ASAP1: variants seen among roughly 807,000 people sequenced by gnomAD.
ASAP1 encodes ArfGAP with SH3 domain, ankyrin repeat and PH domain 1.
Under a neutral mutation model 145.2 loss-of-function variants are expected in ASAP1, and 43 were observed. The ratio of observed to expected loss-of-function variants is 0.30; its 90% CI spans 0.23 to 0.38. The LOEUF is 0.38. ASAP1 is among the 10% of genes least tolerant of loss of function. The pLI is 1.00. For synonymous variants in ASAP1, 546 were observed against 515.5 expected, an observed-to-expected ratio of 1.06 and a Z score of -0.80; for missense variants, 1,018 against 1,355.3, an observed-to-expected ratio of 0.75 and a Z score of 3.91.
chr8:130,280,510 A>C (rs181947605), intron 3 of ASAP1, among the ~76,000 whole-genome samples: 2 of 152,356 alleles, frequency 1.3e-5, no homozygotes, highest in East Asian at 3.9e-4. Context: ...CCATGTCAGC[A>C]TTTTCAGAAT....
At chr8:130,188,723 C>CAAAA (rs370580190) in intron 5 of ASAP1, among the ~76,000 whole-genome samples, 324 of 83,672 alleles carry the variant, frequency 3.9e-3, no homozygotes, top group African/African-American at 5.0e-3. Context: ...GAGACTCTCT[C>CAAAA]AAAAAAAAAA....
rs368025819 is a variant in ASAP1 at position 130,289,592 on chromosome 8, G to C, written c.187-52598C>G. On this transcript the variant is annotated intron_variant, in intron 3 of 29. Transcript: ENST00000518721. ...ACTGGAAGGCTTCATACTTTAAAATGATGGCCCTAAGTCAGCTGTTTATAA... is the reference window on the plus strand; with the variant it reads ...ACTGGAAGGCTTCATACTTTAAAATCATGGCCCTAAGTCAGCTGTTTATAA... Among the ~76,000 whole-genome samples the C allele has an allele frequency of 1.8e-4, 28 of 152,304 alleles. No individual in the cohort carries two copies. In the East Asian group the frequency reaches 3.5e-3, roughly 19 times the overall value.
chr8:130,264,879 T>C (rs1820150124), intron 3 of ASAP1, among the ~76,000 whole-genome samples: 1 of 151,986 alleles, frequency 6.6e-6, no homozygotes, highest in Non-Finnish European at 1.5e-5. Context: ...CTGGAGAAGG[T>C]GGCATTTCAC....
At chr8:130,400,744 T>G in intron 2 of ASAP1, among the ~76,000 whole-genome samples, 1 of 142,844 alleles carries the variant, frequency 7.0e-6, no homozygotes, top group Non-Finnish European at 1.5e-5. Context: ...TGAGCCGAGA[T>G]AGCGCCACTG....
intron 25 of ASAP1, chr8:130,084,100 C>T (rs760628412): frequency 6.6e-6 from 1 of 152,234 alleles, no homozygotes; most frequent in African/African-American, 2.4e-5. Flanking sequence ...GCCGATAACA[C>T]CACTTTTTAA....
intron 27 of ASAP1, among the ~76,000 whole-genome samples, chr8:130,066,754 T>C (rs1592723195): frequency 6.6e-6 from 1 of 152,178 alleles, no homozygotes. Flanking sequence ...TGATGTAAAC[T>C]GCAAGTGCCC....
At chr8:130,201,298 T>C (rs1240565225) in intron 5 of ASAP1, among the ~76,000 whole-genome samples, 1 of 152,176 alleles carries the variant, frequency 6.6e-6, no homozygotes, top group African/African-American at 2.4e-5. Context: ...CTGGAAGATC[T>C]GGGAAAGGCC....
intron 2 of ASAP1, among the ~76,000 whole-genome samples, chr8:130,368,883 T>C (rs1391237173): frequency 6.6e-6 from 1 of 152,226 alleles, no homozygotes; most frequent in African/African-American, 2.4e-5. Context: ...CAACTGTACT[T>C]CTTTTTTAGT....
At position 130,348,306 on chromosome 8, in the gene ASAP1, G is replaced by C. The variant is rs890702630; in HGVS notation, c.186+9711C>G. On this transcript the variant is annotated intron_variant, in intron 3 of 29. Transcript: ENST00000518721. ...TTAGCCAACTCTGCTTTCTATAATAGTTGGTGCCAAAATGCAGTCGTCTTT... is the reference window on the plus strand; with the variant it reads ...TTAGCCAACTCTGCTTTCTATAATACTTGGTGCCAAAATGCAGTCGTCTTT... Among the ~76,000 whole-genome samples, 14 of 152,330 alleles carry C rather than the reference G, an allele frequency of 9.2e-5. No individual in the cohort carries two copies. In the East Asian group the frequency reaches 2.3e-3, roughly 25 times the overall value.
At chr8:130,371,421 C>A (rs72724461) in intron 2 of ASAP1, among the ~76,000 whole-genome samples, 5,272 of 152,262 alleles carry the variant, frequency 0.035, 125 homozygotes, top group Middle Eastern at 0.062. Flanking sequence ...CTATGTAGTC[C>A]CCGTTTCTTC....
chr8:130,317,059 C>T (rs1439764733), intron 3 of ASAP1, among the ~76,000 whole-genome samples: 1 of 149,676 alleles, frequency 6.7e-6, no homozygotes, highest in Non-Finnish European at 1.5e-5. Context: ...GAGACTCATT[C>T]CTATTTTGCT....
chr8:130,173,049 T>C (rs962758514), intron 9 of ASAP1, among the ~76,000 whole-genome samples: 1 of 152,224 alleles, frequency 6.6e-6, no homozygotes, highest in African/African-American at 2.4e-5. Context: ...TTAACTTCAG[T>C]TTCTAATTTT....
At chr8:130,417,699 C>T (rs764865456) in intron 1 of ASAP1, among the ~76,000 whole-genome samples, 45 of 151,380 alleles carry the variant, frequency 3.0e-4, no homozygotes, top group African/African-American at 1.1e-3. Context: ...TCAGGCCTGG[C>T]TAGATTCAAG....
intron 5 of ASAP1, among the ~76,000 whole-genome samples, chr8:130,194,455 T>C (rs72722375): frequency 0.035 from 5,290 of 152,296 alleles, 125 homozygotes; most frequent in Middle Eastern, 0.065. Context: ...TAGGTGATTA[T>C]TGTGCCACGA....
chr8:130,424,336 C>A (rs369005040), intron 1 of ASAP1, among the ~76,000 whole-genome samples: 1 of 152,200 alleles, frequency 6.6e-6, no homozygotes, highest in Non-Finnish European at 1.5e-5. Context: ...ATTGGTCTGA[C>A]GGCCTAGCCC....
At chr8:130,237,514 A>C (rs1283102318) in intron 3 of ASAP1, among the ~76,000 whole-genome samples, 1 of 152,030 alleles carries the variant, frequency 6.6e-6, no homozygotes, top group East Asian at 1.9e-4. Context: ...AAAAAAAATT[A>C]GTTATGACAT....
intron 5 of ASAP1, among the ~76,000 whole-genome samples, chr8:130,188,584 A>G (rs1202117155): frequency 6.6e-6 from 1 of 151,722 alleles, no homozygotes; most frequent in Non-Finnish European, 1.5e-5. Context: ...AAATACAAAA[A>G]TTAGCCAGGT....
At chr8:130,140,769 C>G (rs1005456363) in intron 13 of ASAP1, among the ~76,000 whole-genome samples, 4 of 152,190 alleles carry the variant, frequency 2.6e-5, no homozygotes, top group African/African-American at 9.7e-5. Context: ...GCCAGTGAGG[C>G]ACTTGACAAA....
At chr8:130,357,126 T>C (rs1826362544) in intron 3 of ASAP1, among the ~76,000 whole-genome samples, 1 of 152,222 alleles carries the variant, frequency 6.6e-6, no homozygotes, top group African/African-American at 2.4e-5. Flanking sequence ...GGCTTTCAGG[T>C]TCCTCTTTGC....
Sources: allele counts gnomAD v4.1 joint callset (sites outside exome capture counted in the v4.1 genomes callset), GRCh38; gene constraint gnomAD v4.1.1; transcripts MANE v1.5; gene names NCBI Gene and HGNC (gene_info 2026-07-23, HGNC 2026-07-21).